The following LCORL variants were observed in gnomAD, a reference collection of about 807,000 sequenced individuals.
LCORL encodes the protein ligand-dependent nuclear receptor corepressor-like protein.
In LCORL, 41 loss-of-function variants were observed where a neutral mutation model predicts 141.8. The observed-to-expected ratio is 0.29, with a 90% CI of 0.23 to 0.38. LCORL has a LOEUF of 0.38. Ranked by LOEUF, LCORL falls within the 10% of genes least tolerant of loss-of-function variation. LCORL has a pLI of 1.00. For synonymous variants in LCORL, 618 were observed against 694.1 expected, an observed-to-expected ratio of 0.89 and a Z score of 1.72; for missense variants, 1,759 against 2,035.0, an observed-to-expected ratio of 0.86 and a Z score of 2.61.
intron 1 of LCORL, among the ~76,000 whole-genome samples, chr4:17,983,629 T>C (rs763614699): frequency 2.6e-4 from 39 of 152,192 alleles, no homozygotes; most frequent in Non-Finnish European, 5.1e-4. Context: ...CCTGAAATTT[T>C]GCTGAAGTTG....
chr4:18,011,325 GCTT>G (rs1326721871), intron 1 of LCORL, among the ~76,000 whole-genome samples: 1 of 151,474 alleles, frequency 6.6e-6, no homozygotes. Context: ...TTTAATTTGA[GCTT>G]CTTAAAACTA....
chr4:17,951,776 G>C (rs1291170260), intron 4 of LCORL, among the ~76,000 whole-genome samples: 1 of 152,186 alleles, frequency 6.6e-6, no homozygotes, highest in African/African-American at 2.4e-5. Context: ...TTGTTCACTA[G>C]AGCAGTGCCT....
At chr4:17,956,509 G>A (rs1712667421) in intron 4 of LCORL, among the ~76,000 whole-genome samples, 2 of 152,052 alleles carry the variant, frequency 1.3e-5, no homozygotes, top group African/African-American at 4.8e-5. Context: ...CAAAATGGAT[G>A]GAACTGGACA....
chr4:17,889,339 GTTAAAAGTT>G (rs1250584028), intron 5 of LCORL, among the ~76,000 whole-genome samples: 6 of 151,920 alleles, frequency 3.9e-5, no homozygotes, highest in Non-Finnish European at 7.4e-5. Context: ...TCTAGGCTAT[GTTAAAAGTT>G]TTATTCTAAA....
At chr4:17,873,399 G>T (rs1726580073) in exon 7 of LCORL, 4 of 1,233,596 alleles carry the variant, frequency 3.2e-6, no homozygotes, top group Non-Finnish European at 2.0e-6. Context: ...TAGGGATTTG[G>T]AAAAATAGTT....
intron 1 of LCORL, among the ~76,000 whole-genome samples, chr4:17,976,632 A>G (rs1272613838): frequency 6.6e-6 from 1 of 152,148 alleles, no homozygotes; most frequent in African/African-American, 2.4e-5. Context: ...TTTACTCACA[A>G]TGTCACTTTT....
intron 7 of LCORL, among the ~76,000 whole-genome samples, chr4:17,859,329 T>C (rs1577261054): frequency 6.6e-6 from 1 of 152,224 alleles, no homozygotes; most frequent in East Asian, 1.9e-4. Context: ...CTTACAAGGG[T>C]TTATTGGGAA....
intron 2 of LCORL, among the ~76,000 whole-genome samples, chr4:17,963,619 T>C (rs1271031092): frequency 6.7e-6 from 1 of 149,118 alleles, no homozygotes; most frequent in Non-Finnish European, 1.5e-5. Flanking sequence ...AAATAAGGTA[T>C]ATTATTTAAT....
At chr4:17,887,151 T>G (rs1291663498) in intron 5 of LCORL, among the ~76,000 whole-genome samples, 1 of 152,054 alleles carries the variant, frequency 6.6e-6, no homozygotes, top group African/African-American at 2.4e-5. Context: ...ATCTATAGCC[T>G]CCTATATAGA....
chr4:18,019,361 T>C (rs768042805), intron 1 of LCORL, among the ~76,000 whole-genome samples: 1 of 152,052 alleles, frequency 6.6e-6, no homozygotes, highest in Non-Finnish European at 1.5e-5. Flanking sequence ...TAACAAAGAA[T>C]ATGAGACAGG....
In LCORL at chr4:17,941,148, G is replaced by A. The variant is rs182214063; in HGVS notation, c.430+20755C>T. ...TGCCAGCACTTTGGGAGGCCGAGAC[G>A]GGCAGATCACGAGGTCAGGAGATCA... On this transcript the variant is annotated intron_variant, in intron 4 of 7. Transcript: ENST00000635767. Among the ~76,000 whole-genome samples the A allele has an allele frequency of 1.8e-4, 28 of 152,222 alleles. No individual in the cohort carries two copies. In the East Asian group the frequency reaches 4.3e-3, roughly 23 times the overall value.
intron 4 of LCORL, among the ~76,000 whole-genome samples, chr4:17,921,109 C>T (rs565906314): frequency 6.6e-6 from 1 of 152,208 alleles, no homozygotes; most frequent in African/African-American, 2.4e-5. Context: ...CTGCAACCTC[C>T]ACCTCCTGGG....
At position 17,893,270 on chromosome 4, in the gene LCORL, T is replaced by C. The variant is rs1729389215; in HGVS notation, c.683-7109A>G. 4 of 570,980 alleles carry C rather than the reference T, an allele frequency of 7.0e-6. No homozygotes were observed. The Admixed American group carries it at 2.5e-4, about 36-fold the overall frequency. 35.4% of individuals were successfully genotyped at this position (570,980 alleles called of 1,614,324 possible). On this transcript the variant is annotated intron_variant, in intron 5 of 7. Coordinates refer to ENST00000635767, the Ensembl canonical transcript of LCORL. ...CAATTTCACTTCTAGGAATTTGTCCTGAAGTAAAAATTAAGATTGAGTTTA... is the reference window on the plus strand; with the variant it reads ...CAATTTCACTTCTAGGAATTTGTCCCGAAGTAAAAATTAAGATTGAGTTTA...
At chr4:17,984,602 G>C (rs1718615728) in intron 1 of LCORL, among the ~76,000 whole-genome samples, 2 of 152,016 alleles carry the variant, frequency 1.3e-5, no homozygotes, top group African/African-American at 4.8e-5. Context: ...TATTTCCATG[G>C]AGTCAGCAGT....
At chr4:17,909,397 C>T (rs1401078960) in intron 4 of LCORL, 52 bp from the exon 5 acceptor site, 11 of 1,311,770 alleles carry the variant, frequency 8.4e-6, no homozygotes, top group African/African-American at 1.5e-5. Flanking sequence ...AGGCAAATCA[C>T]CAACATTTAA....
At chr4:18,006,761 A>G (rs1279055912) in intron 1 of LCORL, among the ~76,000 whole-genome samples, 1 of 152,084 alleles carries the variant, frequency 6.6e-6, no homozygotes. Context: ...ATTACCTCCC[A>G]CCAGTTTCCT....
chr4:17,909,201 A>G (rs1391140538), exon 5 of LCORL: 24 of 1,613,608 alleles, frequency 1.5e-5, no homozygotes, highest in South Asian at 1.1e-4. Flanking sequence ...ACTTTTACAT[A>G]CTATACTTGG....
At chr4:17,917,609 A>G (rs530291912) in intron 4 of LCORL, among the ~76,000 whole-genome samples, 8 of 152,384 alleles carry the variant, frequency 5.2e-5, no homozygotes, top group African/African-American at 9.6e-5. Context: ...TGATGCCAAC[A>G]TTAAGAAATG....
In LCORL at chr4:17,891,714, T is replaced by A. The variant is rs1436292100; in HGVS notation, c.683-5553A>T. The stretch of plus-strand genomic sequence containing the variant: ...TATAACATTTTTAAAAGGTACGATA[T>A]AAAATTTGATATACAGATGATGTAA... On this transcript the variant is annotated intron_variant, in intron 5 of 7. Coordinates refer to ENST00000635767, the Ensembl canonical transcript of LCORL. Among the ~76,000 whole-genome samples, 5 of 152,198 alleles carry A rather than the reference T, an allele frequency of 3.3e-5. 1 individual carries two copies. The highest frequency in any genetic ancestry group is 3.3e-4 in the Admixed American group (5 of 15,272).
Sources: gnomAD v4.1 joint callset for allele counts (sites outside exome capture counted in the v4.1 genomes callset) on GRCh38, gnomAD v4.1.1 for gene constraint, MANE v1.5 for transcripts, NCBI Gene and HGNC (gene_info 2026-07-23, HGNC 2026-07-21) for gene names.